The following LRRC4C variants were observed in gnomAD, a reference collection of about 807,000 sequenced individuals.
LRRC4C encodes leucine-rich repeat-containing protein 4C.
A neutral mutation model predicts 33.6 loss-of-function variants in LRRC4C; 5 were observed. That is an observed-to-expected ratio of 0.15 (90% confidence interval 0.08 to 0.31). The LOEUF is 0.31. Among genes scored for constraint, LRRC4C ranks in the 10% least tolerant of loss-of-function variants. The pLI is 1.00. For synonymous variants in LRRC4C, 329 were observed against 302.0 expected (o/e 1.09, Z -0.93); for missense variants, 560 against 796.7 (o/e 0.70, Z 3.58).
At chr11:41,074,502 C>G (rs556027720) in intron 1 of LRRC4C, among the ~76,000 whole-genome samples, 1 of 152,264 alleles carries the variant, frequency 6.6e-6, no homozygotes, top group South Asian at 2.1e-4. Flanking sequence ...ACTTTTGATT[C>G]TTTTCTTAAA....
chr11:40,426,746 G>A (rs190410132), intron 3 of LRRC4C, among the ~76,000 whole-genome samples: 21 of 152,322 alleles, frequency 1.4e-4, no homozygotes, highest in African/African-American at 4.6e-4. Context: ...CAGGTATAGA[G>A]AAGTTTGTCC....
intron 3 of LRRC4C, among the ~76,000 whole-genome samples, chr11:40,329,803 G>A (rs1300410567): frequency 1.4e-5 from 2 of 144,472 alleles, no homozygotes; most frequent in East Asian, 2.0e-4. Flanking sequence ...GTGCAGTGGT[G>A]CAGTCTTGGC....
chr11:40,453,104 C>T (rs1036717519), intron 3 of LRRC4C, among the ~76,000 whole-genome samples: 10 of 152,066 alleles, frequency 6.6e-5, no homozygotes, highest in South Asian at 2.1e-4. Flanking sequence ...ATGGGTGCAG[C>T]GCACCAGCAT....
At chr11:40,772,283 G>A (rs1349899760) in intron 2 of LRRC4C, among the ~76,000 whole-genome samples, 1 of 152,186 alleles carries the variant, frequency 6.6e-6, no homozygotes, top group African/African-American at 2.4e-5. Context: ...ATCAGATCAT[G>A]TGAGAACTCA....
chr11:40,325,020 A>G lies in LRRC4C; in HGVS notation c.-269-5299T>C, dbSNP rs1013771707. On this transcript the variant is annotated intron_variant, in intron 3 of 6. Coordinates refer to ENST00000528697, the MANE Select transcript of LRRC4C (RefSeq NM_001258419.2). Reference sequence around the variant, plus strand: ...TTAGCAAATAGAAATGCTCAAAATTACTATTAGTATAGTTGTAGTTACCAT... The same window carrying G: ...TTAGCAAATAGAAATGCTCAAAATTGCTATTAGTATAGTTGTAGTTACCAT... 2.6e-5 allele frequency among the ~76,000 whole-genome samples: 4 copies of G among 152,218 alleles called. No individual in the cohort carries two copies. In the South Asian group the frequency reaches 6.2e-4, roughly 24 times the overall value.
chr11:40,971,246 A>C (rs2136990612), intron 1 of LRRC4C, among the ~76,000 whole-genome samples: 1 of 152,322 alleles, frequency 6.6e-6, no homozygotes, highest in East Asian at 1.9e-4. Flanking sequence ...GAAGCTTAGA[A>C]GGGAAGAATG....
Position 40,924,297 on chromosome 11 carries a change from G to A in LRRC4C, c.-407+9338C>T, listed in dbSNP as rs189311089. ...GTTCAATTGAACACTTTGGCTATGA[G>A]GCAGGAGACAAAGGATGTGGTTCTT... On this transcript the variant is annotated intron_variant, in intron 2 of 6. Transcript: ENST00000528697. 2.6e-5 allele frequency among the ~76,000 whole-genome samples: 4 copies of A among 152,124 alleles called. No individual in the cohort carries two copies. In the East Asian group the frequency reaches 7.7e-4, roughly 29 times the overall value.
intron 1 of LRRC4C, among the ~76,000 whole-genome samples, chr11:41,428,097 G>A (rs987040235): frequency 3.9e-5 from 6 of 152,156 alleles, no homozygotes; most frequent in Non-Finnish European, 8.8e-5. Context: ...AGCCTGTTTG[G>A]TGGTCTCTTC....
chr11:40,798,736 T>G (rs1950928883), intron 2 of LRRC4C, among the ~76,000 whole-genome samples: 1 of 151,424 alleles, frequency 6.6e-6, no homozygotes, highest in South Asian at 2.1e-4. Flanking sequence ...CTCTGCCTAC[T>G]GGGTTCAAGT....
intron 2 of LRRC4C, among the ~76,000 whole-genome samples, chr11:40,810,522 C>G (rs1053651004): frequency 6.6e-6 from 1 of 152,146 alleles, no homozygotes; most frequent in Admixed American, 6.6e-5. Context: ...AGGTTAGACT[C>G]ATTTTTAAAC....
intron 2 of LRRC4C, among the ~76,000 whole-genome samples, chr11:40,838,459 C>T (rs931484571): frequency 1.3e-5 from 2 of 152,170 alleles, no homozygotes; most frequent in East Asian, 3.9e-4. Flanking sequence ...CGGTTACCAC[C>T]TGGAATCTGC....
At chr11:40,122,209 T>G (rs968938) in intron 6 of LRRC4C, among the ~76,000 whole-genome samples, 1 of 151,936 alleles carries the variant, frequency 6.6e-6, no homozygotes, top group African/African-American at 2.4e-5. Context: ...GTTTCTACAT[T>G]GAAAAACCTT....
At chr11:41,384,083 A>T (rs1754275510) in intron 1 of LRRC4C, among the ~76,000 whole-genome samples, 1 of 151,916 alleles carries the variant, frequency 6.6e-6, no homozygotes, top group Admixed American at 6.6e-5. Flanking sequence ...AGATCTTCGA[A>T]AGTTTATTTT....
intron 1 of LRRC4C, among the ~76,000 whole-genome samples, chr11:41,427,481 A>G (rs1955080045): frequency 6.6e-6 from 1 of 152,184 alleles, no homozygotes; most frequent in South Asian, 2.1e-4. Context: ...GTAATAGAGC[A>G]TGACTAATTT....
chr11:40,662,187 T>C (rs1399181882), intron 2 of LRRC4C, among the ~76,000 whole-genome samples: 2 of 152,238 alleles, frequency 1.3e-5, no homozygotes, highest in Admixed American at 6.5e-5. Flanking sequence ...ATTAGAATTC[T>C]CAGATTCCTA....
intron 2 of LRRC4C, among the ~76,000 whole-genome samples, chr11:40,919,951 T>A (rs1407197589): frequency 6.6e-6 from 1 of 152,154 alleles, no homozygotes. Context: ...ATTACTAAAA[T>A]ATGTGTATAA....
intron 2 of LRRC4C, among the ~76,000 whole-genome samples, chr11:40,655,867 A>C (rs1342317597): frequency 6.6e-6 from 1 of 152,168 alleles, no homozygotes; most frequent in Non-Finnish European, 1.5e-5. Context: ...GAAACTTACC[A>C]TCATTGTGGA....
intron 5 of LRRC4C, among the ~76,000 whole-genome samples, chr11:40,208,447 T>C (rs1307926905): frequency 6.6e-6 from 1 of 152,150 alleles, no homozygotes; most frequent in African/African-American, 2.4e-5. Flanking sequence ...ATTGGTGTGA[T>C]ATAAATCATG....
At chr11:40,254,525 ATG>A (rs1258618440) in intron 4 of LRRC4C, among the ~76,000 whole-genome samples, 18 of 152,318 alleles carry the variant, frequency 1.2e-4, no homozygotes, top group Non-Finnish European at 2.2e-4. Flanking sequence ...TGCTATTGTG[ATG>A]TGTTATTCTT....
Sources: gnomAD v4.1 joint callset for allele counts (sites outside exome capture counted in the v4.1 genomes callset) on GRCh38, gnomAD v4.1.1 for gene constraint, MANE v1.5 for transcripts, NCBI Gene and HGNC (gene_info 2026-07-23, HGNC 2026-07-21) for gene names.